Variants in DNAH14 observed in about 807,000 individuals in gnomAD.
The protein encoded by DNAH14 is axonemal beta dynein heavy chain 14.
DNAH14 carries 478 observed loss-of-function variants against 520.9 expected under a neutral mutation model. The ratio of observed to expected loss-of-function variants is 0.92; its 90% CI spans 0.85 to 0.99. DNAH14 has a LOEUF of 0.99. DNAH14 is among the 50% of genes least tolerant of loss of function. The probability of loss-of-function intolerance (pLI) is 0.00; values close to 1 mark genes in which losing one functional copy is unlikely to be tolerated. For synonymous variants in DNAH14, 1,581 were observed against 1,757.2 expected (o/e 0.90, Z 2.51); for missense variants, 4,831 against 5,234.5 (o/e 0.92, Z 2.38).
At chr1:225,213,416 T>C (rs1355319922) in intron 41 of DNAH14, among the ~76,000 whole-genome samples, 1 of 152,176 alleles carries the variant, frequency 6.6e-6, no homozygotes. Context: ...ATATGAACTT[T>C]GAAGTAGTTT....
At chr1:225,074,134 G>A (rs1249618130) in intron 17 of DNAH14, among the ~76,000 whole-genome samples, 2 of 150,682 alleles carry the variant, frequency 1.3e-5, no homozygotes, top group African/African-American at 2.4e-5. Context: ...CAAGTAGCTG[G>A]GACTACAGGC....
intron 55 of DNAH14, among the ~76,000 whole-genome samples, chr1:225,290,898 C>T (rs1241569482): frequency 6.6e-6 from 1 of 151,246 alleles, no homozygotes; most frequent in Non-Finnish European, 1.5e-5. Context: ...TCCTTCTAGC[C>T]ATTTGACACT....
Position 225,079,439 on chromosome 1 carries a change from CT to C in DNAH14, c.2658del (p.Met887Ter), listed in dbSNP as rs1378986282. 1.3e-6 allele frequency: 2 copies of C among 1,548,218 alleles called. No individual in the cohort carries two copies. Among genetic ancestry groups the C allele is most frequent in the African/African-American group, 2.7e-5 (2 of 72,760 alleles). The stretch of plus-strand genomic sequence containing the variant: ...CTTAAGTTTAGTCAACTAAAATCAT[CT>C]ATGAAGTTAAGTAAAATAAATAAAG... ...LLLKFSQLKS[S>X]MKLSKINKDT... On this transcript the variant is annotated frameshift_variant, in exon 18 of 86. Coordinates refer to ENST00000682510, the MANE Select transcript of DNAH14 (RefSeq NM_001367479.1). LOFTEE classifies it high-confidence loss of function.
At chr1:225,331,309 C>T in intron 64 of DNAH14, 128 bp from the exon 65 acceptor site, 3 of 839,926 alleles carry the variant, frequency 3.6e-6, no homozygotes, top group South Asian at 2.2e-5. Context: ...TAATATAATC[C>T]CTCCAGAAAG....
chr1:225,170,453 G>A (rs1362957923), intron 36 of DNAH14, among the ~76,000 whole-genome samples: 1 of 152,110 alleles, frequency 6.6e-6, no homozygotes, highest in East Asian at 1.9e-4. Context: ...AAACAAAAAA[G>A]GCAGGGGTTG....
At chr1:224,980,546 C>T (rs2062188738) in intron 8 of DNAH14, among the ~76,000 whole-genome samples, 1 of 152,192 alleles carries the variant, frequency 6.6e-6, no homozygotes. Flanking sequence ...TATCCAGGGC[C>T]TGGGGGATCT....
intron 43 of DNAH14, among the ~76,000 whole-genome samples, chr1:225,242,148 C>T (rs941330122): frequency 3.3e-5 from 5 of 152,066 alleles, no homozygotes; most frequent in African/African-American, 4.8e-5. Flanking sequence ...GTGAGAGGAT[C>T]GCTTGAGCCC....
intron 66 of DNAH14, among the ~76,000 whole-genome samples, chr1:225,336,169 TAA>T (rs1402163206): frequency 6.7e-6 from 1 of 150,196 alleles, no homozygotes; most frequent in African/African-American, 2.4e-5. Context: ...TATATATATA[TAA>T]AGTTATAAGA....
At chr1:224,965,306 C>T (rs2061094686) in intron 5 of DNAH14, among the ~76,000 whole-genome samples, 1 of 152,082 alleles carries the variant, frequency 6.6e-6, no homozygotes, top group Non-Finnish European at 1.5e-5. Context: ...CTCATCTGCA[C>T]CCTAGACCCA....
At chr1:224,963,951 CAAGA>C (rs1430943036) in intron 4 of DNAH14, among the ~76,000 whole-genome samples, 1 of 152,026 alleles carries the variant, frequency 6.6e-6, no homozygotes, top group Non-Finnish European at 1.5e-5. Flanking sequence ...TTTGTTCTAT[CAAGA>C]AAGGAAGTTT....
intron 8 of DNAH14, among the ~76,000 whole-genome samples, chr1:224,997,263 C>T (rs1181079758): frequency 1.3e-5 from 2 of 152,064 alleles, no homozygotes. Flanking sequence ...TCTTGGGAAG[C>T]ATATCAGAAT....
In DNAH14 at chr1:225,381,591, T is replaced by C; in HGVS notation, c.13077+12T>C. 1 of 1,492,976 alleles carries C rather than the reference T, an allele frequency of 6.7e-7. No homozygotes were observed. The highest frequency in any genetic ancestry group is 8.9e-7 in the Non-Finnish European group (1 of 1,118,998). The allele number at this position is 1,492,976 out of a possible 1,614,324, so 92.5% of individuals were successfully genotyped here. A position where few individuals can be genotyped will look rare whatever the true frequency, so the allele number is the denominator to read the frequency against. ...CTACATTGTGGCAGGTAAGCAATTA[T>C]TATTATTTCCTATTTTCTTGCTTGC... On this transcript the variant is annotated intron_variant, in intron 81 of 85. Coordinates refer to ENST00000682510, the MANE Select transcript of DNAH14 (RefSeq NM_001367479.1).
chr1:225,380,319 A>G lies in DNAH14; in HGVS notation c.12877A>G (p.Lys4293Glu), dbSNP rs1347434769. 2 of 1,549,588 alleles carry G rather than the reference A, an allele frequency of 1.3e-6. No individual in the cohort carries two copies. Among genetic ancestry groups the G allele is most frequent in the Non-Finnish European group, 1.7e-6 (2 of 1,145,516 alleles). Reference protein sequence around the residue: ...SIWESLSKNLKDHDPLIHCVL... With the variant: ...SIWESLSKNLEDHDPLIHCVL... ...TTGGGAGTCTCTTTCTAAAAATCTC[A>G]AAGGTGAGCATGGGACAGGAGCTTT... The change falls in exon 80 of 86, where the codon AAA (lysine) becomes GAA (glutamate). Residue 4293 changes from lysine (K) to glutamate (E), a missense_variant. Physicochemically the swap from Lys to Glu is moderately conservative, Grantham distance 56 (BLOSUM62 1). Transcript: ENST00000682510.
intron 43 of DNAH14, among the ~76,000 whole-genome samples, chr1:225,245,958 A>G (rs1402426864): frequency 6.6e-6 from 1 of 152,078 alleles, no homozygotes; most frequent in Admixed American, 6.5e-5. Flanking sequence ...GCATCACACT[A>G]CCTGACTTCA....
At chr1:225,257,028 T>A (rs1004900029) in intron 44 of DNAH14, among the ~76,000 whole-genome samples, 1 of 152,106 alleles carries the variant, frequency 6.6e-6, no homozygotes, top group African/African-American at 2.4e-5. Flanking sequence ...ATTTCTGAGA[T>A]CAGCAGAGAC....
At chr1:225,391,037 T>G (rs1433851640) in intron 83 of DNAH14, among the ~76,000 whole-genome samples, 1 of 152,118 alleles carries the variant, frequency 6.6e-6, no homozygotes, top group Non-Finnish European at 1.5e-5. Flanking sequence ...GGGACAGCAT[T>G]CTTACTAGAG....
At chr1:225,169,357 G>A (rs2082363999) in intron 36 of DNAH14, among the ~76,000 whole-genome samples, 1 of 152,144 alleles carries the variant, frequency 6.6e-6, no homozygotes, top group Non-Finnish European at 1.5e-5. Flanking sequence ...CAAGCTAAAG[G>A]AGGAAGTTCA....
intron 21 of DNAH14, among the ~76,000 whole-genome samples, chr1:225,096,382 G>A (rs1156953224): frequency 6.6e-6 from 1 of 152,102 alleles, no homozygotes; most frequent in Non-Finnish European, 1.5e-5. Flanking sequence ...AAAATATGGA[G>A]GTAAGTACCA....
intron 10 of DNAH14, among the ~76,000 whole-genome samples, chr1:225,008,885 T>G (rs1027739590): frequency 2.6e-5 from 4 of 152,116 alleles, no homozygotes; most frequent in Non-Finnish European, 5.9e-5. Flanking sequence ...TCTGTTCATA[T>G]CCTTTTTTGG....
Sources: gnomAD v4.1 joint callset for allele counts (sites outside exome capture counted in the v4.1 genomes callset) on GRCh38, gnomAD v4.1.1 for gene constraint, MANE v1.5 for transcripts, NCBI Gene and HGNC (gene_info 2026-07-23, HGNC 2026-07-21) for gene names.